Variants in RTCB observed in about 807,000 individuals in gnomAD.
RTCB encodes the protein RNA-splicing ligase RTCB.
RTCB carries 32 observed loss-of-function variants against 58.2 expected under a neutral mutation model. The observed-to-expected ratio is 0.55, with a 90% confidence interval of 0.41 to 0.74. The LOEUF is 0.74. Ranked by LOEUF, RTCB falls within the 30% of genes least tolerant of loss-of-function variation. The probability of loss-of-function intolerance (pLI) is 0.00; values close to 1 mark genes in which losing one functional copy is unlikely to be tolerated. For synonymous variants in RTCB, 247 were observed against 218.6 expected, an observed-to-expected ratio of 1.13 and a Z score of -1.15; for missense variants, 523 against 639.0, an observed-to-expected ratio of 0.82 and a Z score of 1.96.
At chr22:32,392,534 T>A in intron 10 of RTCB, 175 bp from the exon 11 acceptor site, 1 of 848,706 alleles carries the variant, frequency 1.2e-6, no homozygotes, top group Non-Finnish European at 1.9e-6. Context: ...GAGAATTCTT[T>A]GTTGGGAGGC....
In RTCB at chr22:32,388,024, T is replaced by C. The variant is rs1261116648; in HGVS notation, c.1486A>G (p.Lys496Glu). The part of the protein sequence containing the change: ...HDAGISKKAI[K>E]LRPIAVIKG ...TTGATCACAGCAATTGGTCTCAGTT[T>C]AATGGCTTTCTTGCTGATTCCAGCA... Residue 496 changes from lysine (K) to glutamate (E), a missense_variant, in exon 12 of 12, where the codon AAA (lysine) becomes GAA (glutamate). Transcript: ENST00000216038. 7.4e-6 allele frequency: 12 copies of C among 1,613,918 alleles called. No individual in the cohort carries two copies. Among genetic ancestry groups the C allele is most frequent in the Non-Finnish European group, 1.0e-5 (12 of 1,179,856 alleles).
chr22:32,411,831 A>G (rs767871579), intron 1 of RTCB, among the ~76,000 whole-genome samples: 33 of 152,138 alleles, frequency 2.2e-4, no homozygotes, highest in Non-Finnish European at 7.4e-5. Context: ...TTAGATTCCC[A>G]TATCCACCGC....
intron 11 of RTCB, 122 bp downstream of exon 11, chr22:32,392,118 A>C (rs1933162344): frequency 1.9e-6 from 2 of 1,053,040 alleles, no homozygotes; most frequent in South Asian, 3.7e-5. Flanking sequence ...AATTGAGGTC[A>C]TAAAAAAAAA....
Position 32,406,656 on chromosome 22 carries a change from T to A in RTCB, c.340+6A>T. ...ACTTAACAGCAGATGTCCACAGTGA[T>A]CTTACCTGGGGATACTACTGCTTCA... On this transcript the variant is annotated splice_donor_region_variant and intron_variant, in intron 4 of 11. Transcript: ENST00000216038. 4 of 1,596,142 alleles carry A rather than the reference T, an allele frequency of 2.5e-6. No homozygotes were observed. The African/African-American group carries it at 4.0e-5, about 16-fold the overall frequency.
intron 8 of RTCB, 43 bp downstream of exon 8, chr22:32,396,031 T>G (rs759910621): frequency 4.3e-5 from 69 of 1,597,490 alleles, no homozygotes; most frequent in Non-Finnish European, 5.5e-5. Context: ...GCACTTAACA[T>G]CATCATGAAT....
rs1933086550 is a variant in RTCB, at chr22:32,388,025, A to C, written c.1485T>G (p.Ile495Met). The C allele has an allele frequency of 6.2e-7, 1 of 1,614,038 alleles. No homozygotes were observed. The highest frequency in any genetic ancestry group is 8.5e-7 in the Non-Finnish European group (1 of 1,179,876). ...TGATCACAGCAATTGGTCTCAGTTT[A>C]ATGGCTTTCTTGCTGATTCCAGCAT... is the stretch of plus-strand genomic sequence containing the variant. ...CHDAGISKKA[I>M]KLRPIAVIKG The change falls in exon 12 of 12, where the codon ATT (isoleucine) becomes ATG (methionine). Residue 495 changes from isoleucine to methionine, a missense_variant. By Grantham distance (10) the Ile-to-Met change is conservative (BLOSUM62 1). This residue lies in a region of RTCB where 248 missense variants were observed against 292.5 expected (regional missense o/e 0.85). Transcript: ENST00000216038.
intron 7 of RTCB, among the ~76,000 whole-genome samples, chr22:32,396,851 G>A (rs1477766765): frequency 6.6e-6 from 1 of 152,168 alleles, no homozygotes; most frequent in South Asian, 2.1e-4. Context: ...AATGAGGGTC[G>A]TGAACAACTC....
chr22:32,396,905 T>C (rs763757067), intron 7 of RTCB, among the ~76,000 whole-genome samples: 1 of 152,184 alleles, frequency 6.6e-6, no homozygotes, highest in African/African-American at 2.4e-5. Context: ...ACTGTTCTTA[T>C]GAATGCAAGA....
At chr22:32,398,975 T>C (rs960930680) in intron 6 of RTCB, among the ~76,000 whole-genome samples, 4 of 152,202 alleles carry the variant, frequency 2.6e-5, no homozygotes, top group Non-Finnish European at 5.9e-5. Flanking sequence ...ACTGAATTAG[T>C]GGCAAAGCCT....
chr22:32,399,074 T>C (rs1933291442), intron 6 of RTCB, among the ~76,000 whole-genome samples: 1 of 152,336 alleles, frequency 6.6e-6, no homozygotes, highest in African/African-American at 2.4e-5. Flanking sequence ...ATATGTAATT[T>C]TGACGTATGA....
chr22:32,394,979 T>G, intron 9 of RTCB, 47 bp downstream of exon 9: 2 of 1,504,190 alleles, frequency 1.3e-6, no homozygotes, highest in Non-Finnish European at 1.8e-6. Context: ...TGCAACAATC[T>G]AAATCGTGCC....
intron 11 of RTCB, among the ~76,000 whole-genome samples, chr22:32,389,943 C>CTGTT (rs1292137623): frequency 6.6e-6 from 1 of 152,180 alleles, no homozygotes; most frequent in African/African-American, 2.4e-5. Context: ...GGCCTCCTTG[C>CTGTT]TGTTTCTTGA....
chr22:32,396,818 G>A (rs933104154), intron 7 of RTCB, among the ~76,000 whole-genome samples: 2 of 152,138 alleles, frequency 1.3e-5, no homozygotes, highest in African/African-American at 4.8e-5. Context: ...CCTTTTCATT[G>A]ATTCGCTGTT....
chr22:32,402,242 T>C (rs1465862537), intron 4 of RTCB, among the ~76,000 whole-genome samples: 1 of 152,198 alleles, frequency 6.6e-6, no homozygotes, highest in Non-Finnish European at 1.5e-5. Context: ...CTTTTGCGTT[T>C]CTTGGTCCTT....
At chr22:32,401,261 A>G (rs1307768062) in intron 5 of RTCB, among the ~76,000 whole-genome samples, 2 of 149,876 alleles carry the variant, frequency 1.3e-5, no homozygotes, top group Non-Finnish European at 3.0e-5. Flanking sequence ...ATGCCTAGTT[A>G]ATTTTTTTTT....
intron 10 of RTCB, 81 bp from the exon 11 acceptor site, chr22:32,392,440 G>A (rs1933168995): frequency 4.4e-6 from 7 of 1,575,428 alleles, no homozygotes; most frequent in African/African-American, 1.3e-5. Context: ...CACTAAAAAG[G>A]AGCTTAAAAA....
chr22:32,406,332 ATT>A (rs554318775), intron 4 of RTCB, among the ~76,000 whole-genome samples: 275 of 150,974 alleles, frequency 1.8e-3, no homozygotes, highest in African/African-American at 5.9e-3. Context: ...AGCTACACAC[ATT>A]TTTTTTTGAG....
rs748766925 is a variant in RTCB, at chr22:32,406,645, G to A, written c.340+17C>T. The A allele has an allele frequency of 6.4e-7, 1 of 1,562,398 alleles. No individual in the cohort carries two copies. The highest frequency in any genetic ancestry group is 8.8e-7 in the Non-Finnish European group (1 of 1,133,816). On this transcript the variant is annotated intron_variant, in intron 4 of 11. Transcript: ENST00000216038. ...CAATGCTACACACTTAACAGCAGAT[G>A]TCCACAGTGATCTTACCTGGGGATA...
chr22:32,399,184 T>A (rs1933292961), intron 6 of RTCB, among the ~76,000 whole-genome samples: 1 of 152,210 alleles, frequency 6.6e-6, no homozygotes, highest in Admixed American at 6.5e-5. Flanking sequence ...TCACCCAGGC[T>A]GGAGTGCACT....
Sources: gnomAD v4.1 joint callset for allele counts (sites outside exome capture counted in the v4.1 genomes callset) on GRCh38, gnomAD v4.1.1 for gene constraint, gnomAD v4.1.1 regional missense constraint, MANE v1.5 for transcripts, NCBI Gene and HGNC (gene_info 2026-07-23, HGNC 2026-07-21) for gene names.